Variants in PLXDC2 observed in about 807,000 individuals in gnomAD.
The protein encoded by PLXDC2 is plexin domain-containing protein 2.
PLXDC2 carries 40 observed loss-of-function variants against 68.9 expected under a neutral mutation model. The observed-to-expected ratio is 0.58, with a 90% CI of 0.45 to 0.76. The LOEUF (loss-of-function observed/expected upper bound fraction) is 0.76, where lower values mean the gene tolerates loss of function less well. Among genes scored for constraint, PLXDC2 ranks in the 30% least tolerant of loss-of-function variants. The pLI is 0.00. For missense variants in PLXDC2, 644 were observed against 661.9 expected, an observed-to-expected ratio of 0.97 and a Z score of 0.30; for synonymous variants, 243 against 234.2, an observed-to-expected ratio of 1.04 and a Z score of -0.34.
chr10:20,159,774 C>T (rs1834266562), intron 6 of PLXDC2, among the ~76,000 whole-genome samples: 1 of 152,184 alleles, frequency 6.6e-6, no homozygotes, highest in African/African-American at 2.4e-5. Context: ...TCCTAAAATT[C>T]AGTCAAGCCC....
intron 3 of PLXDC2, among the ~76,000 whole-genome samples, chr10:20,058,254 G>A (rs1472700074): frequency 6.6e-6 from 1 of 152,048 alleles, no homozygotes; most frequent in Non-Finnish European, 1.5e-5. Flanking sequence ...ATCACATAGA[G>A]GATTCATCAT....
intron 7 of PLXDC2, among the ~76,000 whole-genome samples, chr10:20,175,979 A>ACATTAGTAT (rs1368454201): frequency 6.6e-6 from 1 of 152,152 alleles, no homozygotes; most frequent in Non-Finnish European, 1.5e-5. Flanking sequence ...CCAGGCGAGC[A>ACATTAGTAT]CATTAGTATA....
intron 3 of PLXDC2, among the ~76,000 whole-genome samples, chr10:20,047,309 G>A (rs113440053): frequency 1.8e-4 from 27 of 151,962 alleles, no homozygotes; most frequent in African/African-American, 6.5e-4. Context: ...CTTTATCTTG[G>A]ATTATTTTTA....
chr10:19,901,835 T>C (rs1838165771), intron 1 of PLXDC2, among the ~76,000 whole-genome samples: 4 of 152,314 alleles, frequency 2.6e-5, no homozygotes, highest in Admixed American at 6.5e-5. Context: ...TTGATCCACG[T>C]TGAGTTGATT....
At position 20,040,315 on chromosome 10, in the gene PLXDC2, G is replaced by T. The variant is rs566699647; in HGVS notation, c.325-6554G>T. On this transcript the variant is annotated intron_variant, in intron 2 of 13. Coordinates refer to ENST00000377252, the MANE Select transcript of PLXDC2 (RefSeq NM_032812.9). ...GGACAGATTTTCGCTGACTCAAGGA[G>T]GATGCCCAGTGAGATTTTTGGTGTC... 2.0e-5 allele frequency among the ~76,000 whole-genome samples: 3 copies of T among 152,226 alleles called. No individual in the cohort carries two copies. The South Asian group carries it at 6.2e-4, about 32-fold the overall frequency.
chr10:19,876,340 A>G (rs1837631358), intron 1 of PLXDC2, among the ~76,000 whole-genome samples: 1 of 152,152 alleles, frequency 6.6e-6, no homozygotes, highest in African/African-American at 2.4e-5. Flanking sequence ...TTGTGGTGAA[A>G]TGTATACAAA....
rs147411539 is a variant in PLXDC2, at chr10:19,828,152, A to C, written c.112+10961A>C. On this transcript the variant is annotated intron_variant, in intron 1 of 13. Transcript: ENST00000377252. ...TTCGCAATGTGCCTCTTCGCATCTT[A>C]TCTCTGGACCAGCAACGCTCCAATC... Among the ~76,000 whole-genome samples, 858 of 152,352 alleles carry C rather than the reference A, an allele frequency of 5.6e-3. 8 individuals are homozygous for C. Among genetic ancestry groups the C allele is most frequent in the African/African-American group, 0.019 (802 of 41,588 alleles).
In PLXDC2 at chr10:19,865,762, A is replaced by G. The variant is rs1420357525; in HGVS notation, c.112+48571A>G. Among the ~76,000 whole-genome samples, 3 of 152,230 alleles carry G rather than the reference A, an allele frequency of 2.0e-5. No individual in the cohort carries two copies. In the East Asian group the frequency reaches 5.8e-4, roughly 29 times the overall value. The stretch of plus-strand genomic sequence containing the variant: ...AAACCATTAATGTAGTAGTAAGCAT[A>G]AAGTTGGTTTTCACAGTTGTGTAAC... On this transcript the variant is annotated intron_variant, in intron 1 of 13. Coordinates refer to ENST00000377252, the MANE Select transcript of PLXDC2 (RefSeq NM_032812.9).
At chr10:19,905,774 G>A (rs971749845) in intron 1 of PLXDC2, among the ~76,000 whole-genome samples, 5 of 152,002 alleles carry the variant, frequency 3.3e-5, no homozygotes, top group Admixed American at 1.3e-4. Context: ...TTTTTTCCTG[G>A]TGTCGTTGGA....
chr10:20,200,847 A>G (rs1834907492), intron 9 of PLXDC2, among the ~76,000 whole-genome samples: 1 of 152,150 alleles, frequency 6.6e-6, no homozygotes, highest in Admixed American at 6.6e-5. Context: ...CCCCAGTTAG[A>G]GTAGCTATCA....
chr10:20,081,717 TC>T (rs1836561986), intron 4 of PLXDC2, among the ~76,000 whole-genome samples: 1 of 152,052 alleles, frequency 6.6e-6, no homozygotes, highest in Non-Finnish European at 1.5e-5. Context: ...CAACCAGTAT[TC>T]CTCAACTGTC....
chr10:20,016,038 C>G (rs190236003), intron 2 of PLXDC2, among the ~76,000 whole-genome samples: 1 of 152,174 alleles, frequency 6.6e-6, no homozygotes, highest in African/African-American at 2.4e-5. Context: ...AGTGAAAGGG[C>G]CTCTCTATTT....
At chr10:19,841,696 A>G (rs1009139561) in intron 1 of PLXDC2, among the ~76,000 whole-genome samples, 2 of 152,068 alleles carry the variant, frequency 1.3e-5, no homozygotes, top group African/African-American at 4.8e-5. Context: ...CTCATTCGTG[A>G]CTTTGAGGAT....
intron 6 of PLXDC2, among the ~76,000 whole-genome samples, chr10:20,162,716 C>T (rs1359013151): frequency 6.6e-6 from 1 of 151,898 alleles, no homozygotes; most frequent in African/African-American, 2.4e-5. Context: ...ATAATGCTCA[C>T]TAAGAAAGAG....
At chr10:20,077,268 CT>C (rs1836467480) in intron 4 of PLXDC2, among the ~76,000 whole-genome samples, 1 of 152,080 alleles carries the variant, frequency 6.6e-6, no homozygotes, top group African/African-American at 2.4e-5. Flanking sequence ...GACATTTTGC[CT>C]TTGAACTGGG....
chr10:20,125,542 C>T (rs1833761649), intron 4 of PLXDC2, among the ~76,000 whole-genome samples: 1 of 152,040 alleles, frequency 6.6e-6, no homozygotes, highest in Admixed American at 6.6e-5. Flanking sequence ...TGCAAAAGGG[C>T]ACATGTCTCA....
intron 2 of PLXDC2, among the ~76,000 whole-genome samples, chr10:20,003,724 A>C (rs1053301182): frequency 6.6e-6 from 1 of 152,096 alleles, no homozygotes. Context: ...GAGCCACTGC[A>C]CCCAGCAAGA....
rs66483508 is a variant in PLXDC2, at chr10:20,217,596, CTTTTTTTTTT to C, written c.1273+39_1273+48del. ...CAGAAGGTACCCAAGAGATAGTTTG[CTTTTTTTTTT>C]TTTTTTTTTTTTTTTTTTCCCTGAA... On this transcript the variant is annotated intron_variant, in intron 11 of 13. Transcript: ENST00000377252. The C allele has an allele frequency of 3.1e-4, 242 of 784,880 alleles. No homozygotes were observed. Among genetic ancestry groups the C allele is most frequent in the South Asian group, 1.8e-3 (58 of 31,522 alleles). 48.6% of individuals were successfully genotyped at this position (784,880 alleles called of 1,614,324 possible).
chr10:20,045,724 G>C (rs1449773749), intron 2 of PLXDC2, among the ~76,000 whole-genome samples: 1 of 151,918 alleles, frequency 6.6e-6, no homozygotes, highest in Admixed American at 6.6e-5. Context: ...GATGATAAAT[G>C]AATTACACAA....
Sources: gnomAD v4.1 joint callset for allele counts (sites outside exome capture counted in the v4.1 genomes callset) on GRCh38, gnomAD v4.1.1 for gene constraint, MANE v1.5 for transcripts, NCBI Gene and HGNC (gene_info 2026-07-23, HGNC 2026-07-21) for gene names.